PRKN: variants seen among roughly 807,000 people sequenced by gnomAD.
PRKN encodes the protein parkin RBR E3 ubiquitin protein ligase.
In PRKN, 56 loss-of-function variants were observed where a neutral mutation model predicts 59.5. The observed-to-expected ratio is 0.94, with a 90% CI of 0.76 to 1.18. The LOEUF (loss-of-function observed/expected upper bound fraction) is 1.18, where lower values mean the gene tolerates loss of function less well. Among genes scored for constraint, PRKN ranks in the 50% most tolerant of loss-of-function variants. The pLI is 0.00. For synonymous variants in PRKN, 250 were observed against 222.1 expected, an observed-to-expected ratio of 1.13 and a Z score of -1.12; for missense variants, 657 against 596.4, an observed-to-expected ratio of 1.10 and a Z score of -1.06.
chr6:161,940,587 T>C (rs1779525685), intron 6 of PRKN, among the ~76,000 whole-genome samples: 1 of 152,246 alleles, frequency 6.6e-6, no homozygotes, highest in Admixed American at 6.5e-5. Context: ...TGATAACATA[T>C]GTATTTTTCA....
chr6:161,741,124 G>A (rs1377296175), intron 7 of PRKN, among the ~76,000 whole-genome samples: 1 of 152,196 alleles, frequency 6.6e-6, no homozygotes, highest in African/African-American at 2.4e-5. Flanking sequence ...GGTTCACGCT[G>A]AGTCCAACTT....
Position 161,386,785 on chromosome 6 carries a change from A to G in PRKN, c.1167+9T>C. On this transcript the variant is annotated intron_variant, in intron 10 of 11. Transcript: ENST00000366898. This position sits in a 1 kb window ranked among gnomAD's most constrained non-coding sequence, Gnocchi z 4.3. ...CCCTGCTTGGAGGAATGAGTAGGGC[A>G]TTCTGTACCTGAGTAGTTGTTCCTG... is the stretch of plus-strand genomic sequence containing the variant. 6.2e-7 allele frequency: 1 copy of G among 1,602,598 alleles called. No homozygotes were observed. The highest frequency in any genetic ancestry group is 2.2e-5 in the East Asian group (1 of 44,810).
chr6:161,960,699 T>C (rs1454177868), intron 6 of PRKN, among the ~76,000 whole-genome samples: 1 of 152,206 alleles, frequency 6.6e-6, no homozygotes, highest in African/African-American at 2.4e-5. Context: ...TGCAATGATG[T>C]AGGACTGCAG....
intron 2 of PRKN, among the ~76,000 whole-genome samples, chr6:162,340,401 T>C (rs903690587): frequency 1.3e-5 from 2 of 152,216 alleles, no homozygotes; most frequent in Non-Finnish European, 2.9e-5. Context: ...AAAAAATATA[T>C]AGTCAAACCA....
chr6:162,105,617 C>G (rs567905105), intron 4 of PRKN, among the ~76,000 whole-genome samples: 1 of 152,284 alleles, frequency 6.6e-6, no homozygotes, highest in South Asian at 2.1e-4. Context: ...CCAGGCGGGT[C>G]TCAAACTCCT....
At chr6:161,537,027 T>C (rs557257476) in intron 9 of PRKN, among the ~76,000 whole-genome samples, 12 of 152,370 alleles carry the variant, frequency 7.9e-5, no homozygotes, top group African/African-American at 2.9e-4. Flanking sequence ...ACTTTTCTTA[T>C]TGATTAAGCA....
intron 2 of PRKN, among the ~76,000 whole-genome samples, chr6:162,342,782 A>G (rs1196519839): frequency 1.3e-5 from 2 of 152,176 alleles, no homozygotes; most frequent in Non-Finnish European, 2.9e-5. Flanking sequence ...AATCATGGTG[A>G]TGATTTTAAA....
rs183507228 is a variant in PRKN at position 161,459,467 on chromosome 6, T to A, written c.1084-72590A>T. On this transcript the variant is annotated intron_variant, in intron 9 of 11. Coordinates refer to ENST00000366898, the MANE Select transcript of PRKN (RefSeq NM_004562.3). This position sits in a 1 kb window ranked among gnomAD's most constrained non-coding sequence, Gnocchi z 4.8. Reference sequence around the variant, plus strand: ...TACAAATGGAGCCACCATTTCTTAGTGTGGAGTGCAGGGACCTGGTTCTGA... The same window carrying A: ...TACAAATGGAGCCACCATTTCTTAGAGTGGAGTGCAGGGACCTGGTTCTGA... 6.6e-6 allele frequency among the ~76,000 whole-genome samples: 1 copy of A among 152,210 alleles called. No individual in the cohort carries two copies. The highest frequency in any genetic ancestry group is 1.5e-5 in the Non-Finnish European group (1 of 68,044).
chr6:162,371,009 A>G (rs1379601516), intron 2 of PRKN, among the ~76,000 whole-genome samples: 2 of 152,204 alleles, frequency 1.3e-5, no homozygotes, highest in Non-Finnish European at 2.9e-5. Flanking sequence ...TATTAGCCCA[A>G]TGGCCATCAC....
chr6:162,200,998 A>G (rs1784705833), intron 4 of PRKN, 133 bp downstream of exon 4: 2 of 1,022,902 alleles, frequency 2.0e-6, no homozygotes, highest in African/African-American at 3.2e-5. Flanking sequence ...GCTATCATTA[A>G]CTATCACAAC....
At chr6:162,171,284 C>T (rs1386637722) in intron 4 of PRKN, among the ~76,000 whole-genome samples, 1 of 152,096 alleles carries the variant, frequency 6.6e-6, no homozygotes, top group Non-Finnish European at 1.5e-5. Flanking sequence ...AAGATTTATC[C>T]ACCCCAAGTT....
intron 2 of PRKN, among the ~76,000 whole-genome samples, chr6:162,363,858 T>C (rs1348457605): frequency 2.0e-5 from 3 of 152,196 alleles, no homozygotes; most frequent in Non-Finnish European, 4.4e-5. Flanking sequence ...GGGTTGCTTA[T>C]GCAACTGGTA....
At chr6:162,383,699 A>G (rs1299569485) in intron 2 of PRKN, among the ~76,000 whole-genome samples, 1 of 152,202 alleles carries the variant, frequency 6.6e-6, no homozygotes, top group Non-Finnish European at 1.5e-5. Context: ...CTTTGAAGCC[A>G]TGCATTGATT....
At chr6:162,236,179 G>C (rs895771472) in intron 3 of PRKN, among the ~76,000 whole-genome samples, 1 of 152,148 alleles carries the variant, frequency 6.6e-6, no homozygotes, top group African/African-American at 2.4e-5. Flanking sequence ...CTTGGAACTG[G>C]AAGGGACATT....
chr6:161,826,158 G>A (rs1167020499), intron 6 of PRKN, among the ~76,000 whole-genome samples: 3 of 152,066 alleles, frequency 2.0e-5, no homozygotes, highest in Non-Finnish European at 2.9e-5. Flanking sequence ...TCATTACCAC[G>A]AAGATTCATA....
Position 161,787,674 on chromosome 6 carries a change from T to C in PRKN, c.735-1766A>G, listed in dbSNP as rs1285289569. On this transcript the variant is annotated intron_variant, in intron 6 of 11. Transcript: ENST00000366898. ...AAAAAGAAAGCTTAGAGGCCAGGCGTGGTGGCTCACGCCTGTAATCCCAGC... is the reference window on the plus strand; with the variant it reads ...AAAAAGAAAGCTTAGAGGCCAGGCGCGGTGGCTCACGCCTGTAATCCCAGC... Among the ~76,000 whole-genome samples, 4 of 152,306 alleles carry C rather than the reference T, an allele frequency of 2.6e-5. No individual in the cohort carries two copies. The Middle Eastern group carries it at 0.01, about 389-fold the overall frequency.
intron 3 of PRKN, among the ~76,000 whole-genome samples, chr6:162,230,805 G>A (rs1478873345): frequency 6.6e-6 from 1 of 152,208 alleles, no homozygotes; most frequent in Admixed American, 6.5e-5. Flanking sequence ...AAGTCACAGT[G>A]AAGAGAAGGT....
At chr6:162,226,269 T>C (rs79499831) in intron 3 of PRKN, among the ~76,000 whole-genome samples, 4 of 151,614 alleles carry the variant, frequency 2.6e-5, no homozygotes, top group African/African-American at 9.7e-5. Context: ...CAGAGACAGA[T>C]ACAGAGAGAG....
At chr6:161,809,919 C>T (rs1791492680) in intron 6 of PRKN, among the ~76,000 whole-genome samples, 1 of 152,106 alleles carries the variant, frequency 6.6e-6, no homozygotes, top group African/African-American at 2.4e-5. Context: ...CTTTCAATCC[C>T]TTAGGACGTG....
Sources: gnomAD v4.1 joint callset for allele counts (sites outside exome capture counted in the v4.1 genomes callset) on GRCh38, gnomAD v4.1.1 for gene constraint, Gnocchi (gnomAD v3.1) non-coding constraint, MANE v1.5 for transcripts, NCBI Gene and HGNC (gene_info 2026-07-23, HGNC 2026-07-21) for gene names.